Variants in AGBL4 observed in about 807,000 individuals in gnomAD.
AGBL4 encodes cytosolic carboxypeptidase 6.
AGBL4 carries 58 observed loss-of-function variants against 66.4 expected under a neutral mutation model. That is an observed-to-expected ratio of 0.87 (90% CI 0.71 to 1.09). The LOEUF (loss-of-function observed/expected upper bound fraction) is 1.09. Among genes scored for constraint, AGBL4 ranks in the 50% least tolerant of loss-of-function variants. The probability of loss-of-function intolerance (pLI) is 0.00; values close to 1 mark genes in which losing one functional copy is unlikely to be tolerated. For missense variants in AGBL4, 579 were observed against 631.0 expected (o/e 0.92, Z 0.88); for synonymous variants, 234 against 222.9 (o/e 1.05, Z -0.44).
At chr1:49,291,517 T>C (rs969706833) in intron 3 of AGBL4, among the ~76,000 whole-genome samples, 1 of 152,224 alleles carries the variant, frequency 6.6e-6, no homozygotes, top group Non-Finnish European at 1.5e-5. Flanking sequence ...ATAATATGGA[T>C]AACAGATTGT....
chr1:49,417,009 G>A (rs772595469), intron 3 of AGBL4, among the ~76,000 whole-genome samples: 7 of 152,064 alleles, frequency 4.6e-5, no homozygotes, highest in Non-Finnish European at 1.0e-4. Context: ...TAACCTAATA[G>A]TATCTTCACG....
chr1:49,799,281 G>C (rs1644802862), intron 2 of AGBL4, among the ~76,000 whole-genome samples: 1 of 152,064 alleles, frequency 6.6e-6, no homozygotes, highest in African/African-American at 2.4e-5. Context: ...TGTCAAGGTT[G>C]TAAATCAAAT....
chr1:48,878,690 G>A (rs1649457100), intron 5 of AGBL4, among the ~76,000 whole-genome samples: 1 of 152,134 alleles, frequency 6.6e-6, no homozygotes, highest in Non-Finnish European at 1.5e-5. Flanking sequence ...GGTATCTCCA[G>A]CTCCTACCAC....
intron 6 of AGBL4, among the ~76,000 whole-genome samples, chr1:48,820,913 C>G (rs114428167): frequency 3.3e-5 from 5 of 151,894 alleles, no homozygotes; most frequent in African/African-American, 1.2e-4. Context: ...AGAAAAAAAA[C>G]CAAACAATCC....
At chr1:49,175,016 A>C (rs2148172722) in intron 4 of AGBL4, 1 of 152,246 alleles carries the variant, frequency 6.6e-6, no homozygotes, top group Admixed American at 6.5e-5. Flanking sequence ...CTGAGGTTTG[A>C]AGTCATCCAA....
At chr1:48,534,466 T>C (rs1419136426) in intron 13 of AGBL4, among the ~76,000 whole-genome samples, 173 bp from the exon 14 acceptor site, 1 of 152,178 alleles carries the variant, frequency 6.6e-6, no homozygotes, top group Non-Finnish European at 1.5e-5. Context: ...ATTGATACTG[T>C]CTTCAAGTTG....
chr1:49,091,442 C>A (rs1213721980), intron 4 of AGBL4, among the ~76,000 whole-genome samples: 2 of 151,940 alleles, frequency 1.3e-5, no homozygotes, highest in East Asian at 3.9e-4. Context: ...ACAAAAAATG[C>A]TGAACATCAC....
At chr1:50,018,644 G>T (rs2148448860) in intron 1 of AGBL4, among the ~76,000 whole-genome samples, 1 of 152,066 alleles carries the variant, frequency 6.6e-6, no homozygotes, top group Admixed American at 6.5e-5. Flanking sequence ...AATATATATA[G>T]ATCTTTAGTA....
At chr1:49,333,032 T>C (rs143360578) in intron 3 of AGBL4, among the ~76,000 whole-genome samples, 1,694 of 152,332 alleles carry the variant, frequency 0.011, 26 homozygotes, top group African/African-American at 0.039. Context: ...ATGAGCTTTT[T>C]TTCATATGTT....
intron 1 of AGBL4, among the ~76,000 whole-genome samples, chr1:49,946,092 C>A (rs898662021): frequency 2.6e-5 from 4 of 151,776 alleles, no homozygotes; most frequent in African/African-American, 9.7e-5. Context: ...ATGAGATAGA[C>A]AGCAACATAA....
At chr1:49,372,606 TTTTTCTTTC>T (rs1557878197) in intron 3 of AGBL4, among the ~76,000 whole-genome samples, 222 of 140,252 alleles carry the variant, frequency 1.6e-3, no homozygotes, top group Admixed American at 2.6e-3. Context: ...TTTCTTTTTC[TTTTTCTTTC>T]TTTCTTTCTT....
chr1:49,486,874 G>A (rs922929845), intron 3 of AGBL4, among the ~76,000 whole-genome samples: 1 of 151,848 alleles, frequency 6.6e-6, no homozygotes, highest in Non-Finnish European at 1.5e-5. Context: ...AGAGCAAAAG[G>A]TTAGTATGAA....
intron 4 of AGBL4, among the ~76,000 whole-genome samples, chr1:49,150,733 C>A (rs1360826581): frequency 6.6e-6 from 1 of 152,118 alleles, no homozygotes; most frequent in Non-Finnish European, 1.5e-5. Flanking sequence ...ACATCACTTC[C>A]TCCAGGCACC....
chr1:49,239,164 A>G (rs1480595404), intron 4 of AGBL4, among the ~76,000 whole-genome samples: 3 of 151,248 alleles, frequency 2.0e-5, no homozygotes, highest in Non-Finnish European at 3.0e-5. Context: ...AATTGAAATA[A>G]AAAAAAACAT....
intron 3 of AGBL4, among the ~76,000 whole-genome samples, chr1:49,391,284 C>A (rs1385554440): frequency 6.6e-6 from 1 of 152,120 alleles, no homozygotes; most frequent in Non-Finnish European, 1.5e-5. Flanking sequence ...GAAAAGACAT[C>A]ACAGGGTTTA....
intron 4 of AGBL4, among the ~76,000 whole-genome samples, chr1:49,089,818 T>A (rs1229277527): frequency 6.6e-6 from 1 of 152,082 alleles, no homozygotes; most frequent in Non-Finnish European, 1.5e-5. Context: ...CAGGCCAGTA[T>A]CCTTGATGAA....
chr1:49,374,087 G>T (rs933618990), intron 3 of AGBL4: 13 of 152,046 alleles, frequency 8.6e-5, no homozygotes, highest in African/African-American at 3.1e-4. Context: ...CCCTTTAGAT[G>T]TATTAACTAA....
intron 1 of AGBL4, among the ~76,000 whole-genome samples, chr1:49,900,404 C>A (rs1649655013): frequency 6.6e-6 from 1 of 151,920 alleles, no homozygotes; most frequent in Non-Finnish European, 1.5e-5. Context: ...CACCACCACG[C>A]CAGGCTAATT....
At chr1:49,117,828 T>G (rs1645560108) in intron 4 of AGBL4, among the ~76,000 whole-genome samples, 1 of 152,146 alleles carries the variant, frequency 6.6e-6, no homozygotes, top group Admixed American at 6.6e-5. Context: ...CCATCTTCAC[T>G]GTATTGATTC....
Sources: gnomAD v4.1 joint callset for allele counts (sites outside exome capture counted in the v4.1 genomes callset) on GRCh38, gnomAD v4.1.1 for gene constraint, MANE v1.5 for transcripts, NCBI Gene and HGNC (gene_info 2026-07-23, HGNC 2026-07-21) for gene names.